ACTR3: variants seen among roughly 807,000 people sequenced by gnomAD.
ACTR3 encodes the protein actin-related protein 3.
Under a neutral mutation model 56.8 loss-of-function variants are expected in ACTR3, and 12 were observed. The observed-to-expected ratio is 0.21, with a 90% CI of 0.14 to 0.34. The LOEUF is 0.34. Ranked by LOEUF, ACTR3 falls within the 10% of genes least tolerant of loss-of-function variation. The probability of loss-of-function intolerance (pLI) is 1.00; values close to 1 mark genes in which losing one functional copy is unlikely to be tolerated. For missense variants in ACTR3, 282 were observed against 512.5 expected (o/e 0.55, Z 4.34); for synonymous variants, 162 against 167.4 (o/e 0.97, Z 0.25).
At chr2:113,933,065 TAAA>T (rs1213152804) in intron 5 of ACTR3, among the ~76,000 whole-genome samples, 1 of 152,202 alleles carries the variant, frequency 6.6e-6, no homozygotes, top group African/African-American at 2.4e-5. Flanking sequence ...TTCTCACACT[TAAA>T]AAAGAATTGT....
At chr2:113,912,018 G>T (rs1465567312) in intron 1 of ACTR3, among the ~76,000 whole-genome samples, 1 of 152,060 alleles carries the variant, frequency 6.6e-6, no homozygotes, top group Non-Finnish European at 1.5e-5. Flanking sequence ...GGGATTATAG[G>T]CATGAGCCAC....
At chr2:113,906,015 G>T (rs1240680565) in intron 1 of ACTR3, among the ~76,000 whole-genome samples, 2 of 152,192 alleles carry the variant, frequency 1.3e-5, no homozygotes, top group African/African-American at 4.8e-5. Context: ...TATATACCCA[G>T]AAGTGGAATT....
chr2:113,945,701 CT>C (rs1217815184), intron 8 of ACTR3, among the ~76,000 whole-genome samples: 1 of 151,586 alleles, frequency 6.6e-6, no homozygotes, highest in African/African-American at 2.4e-5. Flanking sequence ...TATAGGTAAA[CT>C]TTTGTCATGG....
intron 7 of ACTR3, among the ~76,000 whole-genome samples, chr2:113,941,211 C>G (rs1471735604): frequency 6.6e-6 from 1 of 152,070 alleles, no homozygotes; most frequent in Non-Finnish European, 1.5e-5. Flanking sequence ...CAAAAGTTAC[C>G]CCAAGTTGGT....
chr2:113,934,914 T>C (rs1193219599), intron 6 of ACTR3, among the ~76,000 whole-genome samples: 5 of 152,212 alleles, frequency 3.3e-5, no homozygotes. Context: ...CCTAATGAAT[T>C]CAAAATGACT....
At chr2:113,939,866 T>C (rs1161142883) in intron 6 of ACTR3, 93 bp from the exon 7 acceptor site, 2 of 1,162,610 alleles carry the variant, frequency 1.7e-6, no homozygotes, top group Admixed American at 2.3e-5. Context: ...ATACACTAAC[T>C]TAATAAATTG....
chr2:113,910,372 A>G (rs1574357141), intron 1 of ACTR3, among the ~76,000 whole-genome samples: 1 of 152,082 alleles, frequency 6.6e-6, no homozygotes, highest in African/African-American at 2.4e-5. Flanking sequence ...GTGTGTCTTT[A>G]TCTGTATGCT....
chr2:113,942,145 T>A, intron 7 of ACTR3, 41 bp from the exon 8 acceptor site: 1 of 1,507,768 alleles, frequency 6.6e-7, no homozygotes, highest in Non-Finnish European at 8.9e-7. Flanking sequence ...ACTGTTCCTA[T>A]AATAAGCAAA....
intron 7 of ACTR3, 136 bp from the exon 8 acceptor site, chr2:113,942,050 C>T: frequency 7.6e-6 from 5 of 657,150 alleles, no homozygotes; most frequent in Non-Finnish European, 1.2e-5. Context: ...AATTTTTCTT[C>T]CAGCTTAATT....
At chr2:113,913,568 A>G (rs1679348800) in intron 2 of ACTR3, among the ~76,000 whole-genome samples, 2 of 152,334 alleles carry the variant, frequency 1.3e-5, no homozygotes, top group South Asian at 4.1e-4. Context: ...TCATATACCT[A>G]TGAAGACTGT....
chr2:113,890,386 G>T, intron 1 of ACTR3, 63 bp downstream of exon 1: 2 of 1,414,268 alleles, frequency 1.4e-6, no homozygotes, highest in Non-Finnish European at 9.6e-7. Context: ...GGCGGGGGAG[G>T]GAGGAGGCCG....
chr2:113,893,770 A>C (rs575607588), intron 1 of ACTR3, among the ~76,000 whole-genome samples: 1 of 152,118 alleles, frequency 6.6e-6, no homozygotes, highest in Non-Finnish European at 1.5e-5. Context: ...TTGGTAAATT[A>C]GTTCCACTGA....
chr2:113,941,958 T>C (rs903979605), intron 7 of ACTR3, among the ~76,000 whole-genome samples: 5 of 152,160 alleles, frequency 3.3e-5, no homozygotes, highest in Non-Finnish European at 7.4e-5. Flanking sequence ...GTCTCTCAAA[T>C]ACTGTTTATA....
chr2:113,931,923 C>T (rs577853503), intron 5 of ACTR3, among the ~76,000 whole-genome samples: 9 of 149,854 alleles, frequency 6.0e-5, no homozygotes, highest in Non-Finnish European at 1.2e-4. Flanking sequence ...CAGAGGTAAT[C>T]CCTGACATAA....
intron 7 of ACTR3, 62 bp downstream of exon 7, chr2:113,940,164 G>C: frequency 6.9e-7 from 1 of 1,451,636 alleles, no homozygotes; most frequent in Non-Finnish European, 9.3e-7. Context: ...TAACATTAAC[G>C]TGAGAAATTT....
chr2:113,932,748 T>C (rs1366613447), intron 5 of ACTR3, among the ~76,000 whole-genome samples: 3 of 152,190 alleles, frequency 2.0e-5, no homozygotes, highest in African/African-American at 4.8e-5. Context: ...CATAATGAAG[T>C]CTAAACAGTA....
At chr2:113,955,130 C>A (rs1461743434) in intron 10 of ACTR3, 1 of 152,224 alleles carries the variant, frequency 6.6e-6, no homozygotes, top group African/African-American at 2.4e-5. Context: ...GAAAAATAGA[C>A]CCAAAACTAG....
intron 2 of ACTR3, 146 bp downstream of exon 2, chr2:113,913,373 A>G: frequency 1.9e-6 from 1 of 522,776 alleles, no homozygotes; most frequent in Non-Finnish European, 3.3e-6. Context: ...GTGTGGCCTC[A>G]TTTTTGTATG....
Position 113,955,604 on chromosome 2 carries a change from A to T in ACTR3, c.1078-19A>T, listed in dbSNP as rs760025947. 6.4e-7 allele frequency: 1 copy of T among 1,556,614 alleles called. No homozygotes were observed. The highest frequency in any genetic ancestry group is 8.8e-7 in the Non-Finnish European group (1 of 1,132,000). On this transcript the variant is annotated intron_variant, in intron 10 of 11. Transcript: ENST00000263238. Reference sequence around the variant, plus strand: ...ATTTGAATTTACTATGAAGATGATCATACTATGTCTTTCTTTAGCCAAAAC... The same window carrying T: ...ATTTGAATTTACTATGAAGATGATCTTACTATGTCTTTCTTTAGCCAAAAC...
Sources: gnomAD v4.1 joint callset for allele counts (sites outside exome capture counted in the v4.1 genomes callset) on GRCh38, gnomAD v4.1.1 for gene constraint, MANE v1.5 for transcripts, NCBI Gene and HGNC (gene_info 2026-07-23, HGNC 2026-07-21) for gene names.